Variants in MYLK observed in about 807,000 individuals in gnomAD.
MYLK encodes myosin light chain kinase, smooth muscle.
In MYLK, 106 loss-of-function variants were observed where a neutral mutation model predicts 203.4. That is an observed-to-expected ratio of 0.52 (90% CI 0.45 to 0.61). The LOEUF is 0.61. MYLK is among the 20% of genes least tolerant of loss of function. The pLI is 0.00. For missense variants in MYLK, 2,072 were observed against 2,442.3 expected, an observed-to-expected ratio of 0.85 and a Z score of 3.20; for synonymous variants, 867 against 959.5, an observed-to-expected ratio of 0.90 and a Z score of 1.78.
At chr3:123,783,783 T>C in intron 4 of MYLK, among the ~76,000 whole-genome samples, 1 of 152,228 alleles carries the variant, frequency 6.6e-6, no homozygotes. Flanking sequence ...TAATCTTTTT[T>C]TCTTTTAATT....
At chr3:123,716,158 C>T (rs1200288134) in intron 13 of MYLK, 1 of 152,222 alleles carries the variant, frequency 6.6e-6, no homozygotes, top group Non-Finnish European at 1.5e-5. Flanking sequence ...GGGATCACCA[C>T]CAGCCTCCTC....
intron 4 of MYLK, among the ~76,000 whole-genome samples, chr3:123,792,876 G>A (rs1389499961): frequency 6.6e-6 from 1 of 152,114 alleles, no homozygotes; most frequent in East Asian, 1.9e-4. Flanking sequence ...GACTACACAG[G>A]TCCATGCACA....
chr3:123,868,162 G>C (rs531727380), intron 2 of MYLK, among the ~76,000 whole-genome samples: 2 of 152,180 alleles, frequency 1.3e-5, no homozygotes, highest in African/African-American at 4.8e-5. Context: ...TACCACCAGT[G>C]GGAGAGAGTT....
At chr3:123,673,148 CT>C (rs1435672882) in intron 20 of MYLK, among the ~76,000 whole-genome samples, 1 of 119,306 alleles carries the variant, frequency 8.4e-6, no homozygotes, top group African/African-American at 2.7e-5. Flanking sequence ...GCAGCATGTT[CT>C]TTTTTTCTTT....
At chr3:123,820,952 C>T (rs1333664235) in intron 3 of MYLK, among the ~76,000 whole-genome samples, 1 of 152,102 alleles carries the variant, frequency 6.6e-6, no homozygotes, top group Admixed American at 6.6e-5. Context: ...TGGTGTCGAA[C>T]TCCCGACCTC....
intron 2 of MYLK, among the ~76,000 whole-genome samples, chr3:123,857,892 A>C (rs576019519): frequency 2.6e-5 from 4 of 152,298 alleles, no homozygotes; most frequent in Admixed American, 2.6e-4. Context: ...ATCCAGCCTA[A>C]TAGCCTACAC....
chr3:123,620,879 T>C lies in MYLK; in HGVS notation c.5239-543A>G, dbSNP rs547265313. 10 of 158,900 alleles carry C rather than the reference T, an allele frequency of 6.3e-5. No homozygotes were observed. In the South Asian group the frequency reaches 1.8e-3, roughly 29 times the overall value. The allele number at this position is 158,900 out of a possible 1,614,324, so 9.8% of individuals were successfully genotyped here. On this transcript the variant is annotated intron_variant, in intron 31 of 33. Transcript: ENST00000360304. ...CACTCTGAGCTTCAGTCTCCTTCTCTAGGAGGGGGCTGGACAAGATGATCT... is the reference window on the plus strand; with the variant it reads ...CACTCTGAGCTTCAGTCTCCTTCTCCAGGAGGGGGCTGGACAAGATGATCT...
intron 3 of MYLK, among the ~76,000 whole-genome samples, chr3:123,830,573 C>A (rs2066289707): frequency 1.3e-5 from 2 of 152,136 alleles, no homozygotes; most frequent in Non-Finnish European, 2.9e-5. Flanking sequence ...AAATCACAGA[C>A]CACACTTCCT....
intron 22 of MYLK, among the ~76,000 whole-genome samples, chr3:123,665,959 T>A (rs1290934514): frequency 6.6e-6 from 1 of 152,148 alleles, no homozygotes; most frequent in Non-Finnish European, 1.5e-5. Flanking sequence ...ATGAGGGACA[T>A]GGATGGTTTC....
At chr3:123,645,956 C>T (rs1703561551) in intron 27 of MYLK, among the ~76,000 whole-genome samples, 1 of 152,142 alleles carries the variant, frequency 6.6e-6, no homozygotes, top group Non-Finnish European at 1.5e-5. Flanking sequence ...CCAGCCTGGG[C>T]AACATGGTGA....
chr3:123,742,834 T>C (rs950716115), intron 5 of MYLK, among the ~76,000 whole-genome samples: 13 of 152,192 alleles, frequency 8.5e-5, no homozygotes, highest in African/African-American at 1.9e-4. Context: ...TGGATGGACA[T>C]TGAAAAAGTG....
chr3:123,661,393 G>C (rs80257036), intron 23 of MYLK, among the ~76,000 whole-genome samples: 3,900 of 152,306 alleles, frequency 0.026, 69 homozygotes, highest in Middle Eastern at 0.092. Flanking sequence ...CTTCAGAACA[G>C]ATCTAAATGT....
chr3:123,763,157 GT>G (rs2063588869), intron 4 of MYLK, among the ~76,000 whole-genome samples: 1 of 152,180 alleles, frequency 6.6e-6, no homozygotes, highest in African/African-American at 2.4e-5. Context: ...TTTTCCTGGA[GT>G]TAATAACTGC....
Position 123,723,322 on chromosome 3 carries a change from C to A in MYLK, c.1652-1042G>T, listed in dbSNP as rs183825979. Among the ~76,000 whole-genome samples the A allele has an allele frequency of 4.2e-4, 64 of 152,342 alleles. 1 individual carries two copies. The highest frequency in any genetic ancestry group is 1.5e-3 in the African/African-American group (62 of 41,578). ...AGTTTGGCAAAGAGACCAGCAAGCA[C>A]ATCATAGGACTAGAGGGGAAGATTC... On this transcript the variant is annotated intron_variant, in intron 12 of 33. Coordinates refer to ENST00000360304, the MANE Select transcript of MYLK (RefSeq NM_053025.4).
rs147809951 is a variant in MYLK, at chr3:123,680,490, T to C, written c.3652+1734A>G. ...AGGTCCAAGGAATATTTTTGGAAGA[T>C]AAAATTATTAACCCATTCTCACCAG... On this transcript the variant is annotated intron_variant, in intron 20 of 33. Coordinates refer to ENST00000360304, the MANE Select transcript of MYLK (RefSeq NM_053025.4). Among the ~76,000 whole-genome samples, 397 of 152,366 alleles carry C rather than the reference T, an allele frequency of 2.6e-3. 3 individuals are homozygous for C. The highest frequency in any genetic ancestry group is 9.3e-3 in the African/African-American group (386 of 41,580).
intron 27 of MYLK, 125 bp downstream of exon 27, chr3:123,647,099 T>C (rs2108175536): frequency 1.1e-6 from 1 of 871,450 alleles, no homozygotes; most frequent in Admixed American, 2.0e-5. Flanking sequence ...GTGAGCATCT[T>C]ACATATCACA....
intron 5 of MYLK, among the ~76,000 whole-genome samples, chr3:123,749,997 C>T (rs1482843302): frequency 6.6e-6 from 1 of 152,206 alleles, no homozygotes; most frequent in African/African-American, 2.4e-5. Context: ...GCTAGGTTTC[C>T]TTTGTAAAGG....
At chr3:123,615,153 A>G (rs1357274609) in intron 33 of MYLK, among the ~76,000 whole-genome samples, 4 of 146,728 alleles carry the variant, frequency 2.7e-5, no homozygotes, top group African/African-American at 9.9e-5. Flanking sequence ...GAGGCTAGGC[A>G]TGGTGGCTCA....
At chr3:123,824,145 A>G (rs2066033668) in intron 3 of MYLK, among the ~76,000 whole-genome samples, 1 of 150,008 alleles carries the variant, frequency 6.7e-6, no homozygotes, top group African/African-American at 2.5e-5. Flanking sequence ...GCTGGAGTGC[A>G]ATGGCGCGAT....
Sources: gnomAD v4.1 joint callset for allele counts (sites outside exome capture counted in the v4.1 genomes callset) on GRCh38, gnomAD v4.1.1 for gene constraint, MANE v1.5 for transcripts, NCBI Gene and HGNC (gene_info 2026-07-23, HGNC 2026-07-21) for gene names.